Variants in KLHL1 observed in about 807,000 individuals in gnomAD.
KLHL1 encodes kelch like family member 1.
A neutral mutation model predicts 77.7 loss-of-function variants in KLHL1; 47 were observed. That is an observed-to-expected ratio of 0.60 (90% CI 0.48 to 0.77). The LOEUF is 0.77. Ranked by LOEUF, KLHL1 falls within the 30% of genes least tolerant of loss-of-function variation. The pLI, the probability that KLHL1 is intolerant of heterozygous loss-of-function variation, is 0.00. For synonymous variants in KLHL1, 360 were observed against 325.2 expected, an observed-to-expected ratio of 1.11 and a Z score of -1.15; for missense variants, 925 against 910.8, an observed-to-expected ratio of 1.02 and a Z score of -0.20.
At chr13:69,867,843 G>C (rs1880421966) in intron 5 of KLHL1, among the ~76,000 whole-genome samples, 1 of 120,318 alleles carries the variant, frequency 8.3e-6, no homozygotes, top group Non-Finnish European at 1.7e-5. Flanking sequence ...CACACACTGG[G>C]GCCTGTTGTG....
chr13:69,949,111 A>C (rs992546958), intron 3 of KLHL1, among the ~76,000 whole-genome samples: 6 of 151,960 alleles, frequency 3.9e-5, no homozygotes, highest in African/African-American at 9.7e-5. Context: ...TTAACATCTT[A>C]CATTCGTATG....
At chr13:70,092,468 C>T (rs997430404) in intron 1 of KLHL1, among the ~76,000 whole-genome samples, 1 of 152,002 alleles carries the variant, frequency 6.6e-6, no homozygotes, top group African/African-American at 2.4e-5. Flanking sequence ...TTAGGTATAG[C>T]AATAAAGTTA....
chr13:69,795,754 G>A (rs962531514), intron 7 of KLHL1, among the ~76,000 whole-genome samples: 3 of 152,076 alleles, frequency 2.0e-5, no homozygotes, highest in Non-Finnish European at 4.4e-5. Flanking sequence ...GATGCACATC[G>A]AGATCCGAAT....
At chr13:69,945,755 TACAACTACTTTAGAAA>T in intron 3 of KLHL1, among the ~76,000 whole-genome samples, 1 of 152,116 alleles carries the variant, frequency 6.6e-6, no homozygotes, top group Non-Finnish European at 1.5e-5. Flanking sequence ...TGTGAAATGG[TACAACTACTTTAGAAA>T]ACAATTCTGC....
Position 69,985,147 on chromosome 13 carries a change from A to C in KLHL1, c.498-9345T>G, listed in dbSNP as rs73514712. 7.2e-3 allele frequency among the ~76,000 whole-genome samples: 1,097 copies of C among 151,988 alleles called. 15 individuals carry two copies. Among genetic ancestry groups the C allele is most frequent in the African/African-American group, 0.026 (1,063 of 41,400 alleles). On this transcript the variant is annotated intron_variant, in intron 1 of 10. Transcript: ENST00000377844. ...AACAAGCAAACAACAACAACAACAAAAAACCTCTGTGCAAAAAAAGATCAA... is the reference window on the plus strand; with the variant it reads ...AACAAGCAAACAACAACAACAACAACAAACCTCTGTGCAAAAAAAGATCAA...
chr13:69,984,808 A>T (rs1231663216), intron 1 of KLHL1, among the ~76,000 whole-genome samples: 1 of 152,070 alleles, frequency 6.6e-6, no homozygotes, highest in African/African-American at 2.4e-5. Context: ...GTTTATATCA[A>T]CCTAAAAACT....
chr13:69,866,092 C>T (rs965518632), intron 5 of KLHL1, among the ~76,000 whole-genome samples: 3 of 152,030 alleles, frequency 2.0e-5, no homozygotes, highest in African/African-American at 7.2e-5. Flanking sequence ...ATTCATCACT[C>T]CCTAAATTCT....
chr13:70,036,515 G>A (rs73214609), intron 1 of KLHL1, among the ~76,000 whole-genome samples: 2,361 of 151,866 alleles, frequency 0.016, 18 homozygotes, highest in Non-Finnish European at 0.026. Flanking sequence ...GTACACATAC[G>A]TATGTGTGTA....
At chr13:69,850,877 T>C (rs907327395) in intron 5 of KLHL1, among the ~76,000 whole-genome samples, 2 of 151,698 alleles carry the variant, frequency 1.3e-5, no homozygotes, top group Non-Finnish European at 3.0e-5. Flanking sequence ...GAGAACAATT[T>C]TCGCACTTTG....
intron 7 of KLHL1, among the ~76,000 whole-genome samples, chr13:69,787,097 T>C (rs1053179895): frequency 6.6e-6 from 1 of 152,170 alleles, no homozygotes; most frequent in Non-Finnish European, 1.5e-5. Context: ...AGGTAATTTA[T>C]AGATTCAATG....
chr13:69,756,406 T>C (rs1287653002), intron 7 of KLHL1, among the ~76,000 whole-genome samples: 1 of 152,204 alleles, frequency 6.6e-6, no homozygotes, highest in Non-Finnish European at 1.5e-5. Context: ...CTTTAAATTC[T>C]TTATGGTCAT....
intron 7 of KLHL1, among the ~76,000 whole-genome samples, chr13:69,753,738 T>C (rs1874584409): frequency 6.6e-6 from 1 of 152,214 alleles, no homozygotes; most frequent in African/African-American, 2.4e-5. Context: ...TATTCTCTAC[T>C]GTATTCTAAC....
chr13:69,802,527 G>A (rs1209592648), intron 6 of KLHL1, among the ~76,000 whole-genome samples: 1 of 152,058 alleles, frequency 6.6e-6, no homozygotes, highest in Non-Finnish European at 1.5e-5. Flanking sequence ...CAAGCAGACA[G>A]CCTGGCGCCA....
chr13:69,796,357 G>A (rs776822057), intron 7 of KLHL1, among the ~76,000 whole-genome samples: 8 of 152,072 alleles, frequency 5.3e-5, no homozygotes, highest in East Asian at 3.9e-4. Context: ...TCATGGGAGC[G>A]GATCCCTCAT....
At chr13:70,034,672 G>A (rs1233776892) in intron 1 of KLHL1, among the ~76,000 whole-genome samples, 1 of 152,138 alleles carries the variant, frequency 6.6e-6, no homozygotes, top group Admixed American at 6.5e-5. Flanking sequence ...GTGTAGAGGG[G>A]AAGAGGTGCA....
At chr13:69,757,950 T>C (rs1180210590) in intron 7 of KLHL1, among the ~76,000 whole-genome samples, 2 of 67,598 alleles carry the variant, frequency 3.0e-5, no homozygotes, top group East Asian at 5.2e-4. Context: ...AGAGCGAAAC[T>C]CCATCTCAAA....
In KLHL1 at chr13:69,715,418, C is replaced by T. The variant is rs145724452; in HGVS notation, c.2015+3951G>A. 3.1e-3 allele frequency among the ~76,000 whole-genome samples: 470 copies of T among 152,146 alleles called. 3 individuals are homozygous for T. The highest frequency in any genetic ancestry group is 0.01 in the African/African-American group (427 of 41,500). ...TGCCTGCTGCCATATAAGACATGCC[C>T]GCTTCCCCTTCTCCCATGATTGAGG... On this transcript the variant is annotated intron_variant, in intron 9 of 10. Coordinates refer to ENST00000377844, the MANE Select transcript of KLHL1 (RefSeq NM_020866.3).
At chr13:69,759,472 T>C (rs558164037) in intron 7 of KLHL1, among the ~76,000 whole-genome samples, 1 of 152,332 alleles carries the variant, frequency 6.6e-6, no homozygotes, top group South Asian at 2.1e-4. Context: ...ATTTCTGTTT[T>C]ATTTTACCAA....
intron 5 of KLHL1, among the ~76,000 whole-genome samples, chr13:69,844,976 G>A (rs937503818): frequency 2.6e-5 from 4 of 151,506 alleles, no homozygotes; most frequent in Non-Finnish European, 4.4e-5. Flanking sequence ...ATTTGCTCCC[G>A]CAGGATGAGA....
Sources: gnomAD v4.1 joint callset for allele counts (sites outside exome capture counted in the v4.1 genomes callset) on GRCh38, gnomAD v4.1.1 for gene constraint, MANE v1.5 for transcripts, NCBI Gene and HGNC (gene_info 2026-07-23, HGNC 2026-07-21) for gene names.